MCC: variants seen among roughly 807,000 people sequenced by gnomAD.
The protein encoded by MCC is MCC regulator of Wnt signaling pathway.
A neutral mutation model predicts 116.2 loss-of-function variants in MCC; 90 were observed. The ratio of observed to expected loss-of-function variants is 0.77; its 90% CI spans 0.65 to 0.92. MCC has a LOEUF of 0.92. Ranked by LOEUF, MCC falls within the 40% of genes least tolerant of loss-of-function variation. MCC has a pLI of 0.00. For missense variants in MCC, 1,516 were observed against 1,312.2 expected (o/e 1.16, Z -2.40); for synonymous variants, 578 against 510.5 (o/e 1.13, Z -1.78).
At chr5:113,175,302 A>G (rs1761278185) in intron 3 of MCC, among the ~76,000 whole-genome samples, 1 of 152,254 alleles carries the variant, frequency 6.6e-6, no homozygotes, top group Non-Finnish European at 1.5e-5. Flanking sequence ...TGAGATGGTC[A>G]AACTTTGATG....
At chr5:113,315,846 C>T (rs1429322406) in intron 3 of MCC, among the ~76,000 whole-genome samples, 1 of 152,084 alleles carries the variant, frequency 6.6e-6, no homozygotes, top group Non-Finnish European at 1.5e-5. Context: ...CCACTGCGCT[C>T]CAGCCCGGGT....
At chr5:113,428,855 A>C (rs1336340316) in intron 1 of MCC, 1 of 152,204 alleles carries the variant, frequency 6.6e-6, no homozygotes, top group African/African-American at 2.4e-5. Flanking sequence ...AAAGACATTA[A>C]ATAAAATTTA....
rs567109531 is a variant in MCC at position 113,026,073 on chromosome 5, T to C, written c.*1229A>G. On this transcript the variant is annotated 3_prime_UTR_variant, in exon 19 of 19. Coordinates refer to ENST00000408903, the MANE Select transcript of MCC (RefSeq NM_001085377.2). ...AACTGAAAAAGAATAATGAATTTGT[T>C]TTAAGATTGAAGACCTTCCTGAAAT... 11 of 151,692 alleles carry C rather than the reference T, an allele frequency of 7.3e-5. No homozygotes were observed. The highest frequency in any genetic ancestry group is 2.7e-4 in the African/African-American group (11 of 41,490). The allele number at this position is 151,692 out of a possible 1,614,324, so 9.4% of individuals were successfully genotyped here.
At chr5:113,369,274 C>G (rs1768780371) in intron 2 of MCC, among the ~76,000 whole-genome samples, 1 of 151,738 alleles carries the variant, frequency 6.6e-6, no homozygotes, top group Non-Finnish European at 1.5e-5. Context: ...CAGTGACCAG[C>G]CTCATCCTGA....
intron 3 of MCC, among the ~76,000 whole-genome samples, chr5:113,316,646 C>T (rs1325477565): frequency 6.6e-6 from 1 of 152,108 alleles, no homozygotes; most frequent in East Asian, 1.9e-4. Flanking sequence ...TGAACATCTA[C>T]AGGGATATAA....
At chr5:113,441,502 G>T (rs1241583440) in intron 1 of MCC, among the ~76,000 whole-genome samples, 1 of 148,622 alleles carries the variant, frequency 6.7e-6, no homozygotes, top group African/African-American at 2.6e-5. Context: ...TTTTTGTTTT[G>T]TACAGCACTT....
At chr5:113,080,656 G>C (rs1754789773) in intron 11 of MCC, among the ~76,000 whole-genome samples, 1 of 152,058 alleles carries the variant, frequency 6.6e-6, no homozygotes, top group African/African-American at 2.4e-5. Context: ...CCTGTCGTGG[G>C]GTGGAGGGAG....
chr5:113,411,755 T>C (rs1300465257), intron 1 of MCC, among the ~76,000 whole-genome samples: 2 of 152,240 alleles, frequency 1.3e-5, no homozygotes, highest in Non-Finnish European at 2.9e-5. Flanking sequence ...TCTTTTGCTG[T>C]GCAGAAGCTC....
intron 2 of MCC, among the ~76,000 whole-genome samples, chr5:113,361,347 TTC>T (rs1188681448): frequency 6.6e-6 from 1 of 152,164 alleles, no homozygotes; most frequent in Non-Finnish European, 1.5e-5. Flanking sequence ...TTATATTCTT[TTC>T]TGTTTTGTTT....
chr5:113,251,470 A>G (rs759671515), intron 3 of MCC, among the ~76,000 whole-genome samples: 27 of 152,204 alleles, frequency 1.8e-4, no homozygotes, highest in Non-Finnish European at 3.1e-4. Context: ...CCAGGGTGAC[A>G]AACACGGGAC....
At position 113,056,712 on chromosome 5, in the gene MCC, C is replaced by T. The variant is rs538643306; in HGVS notation, c.2214-2753G>A. 2.6e-5 allele frequency among the ~76,000 whole-genome samples: 4 copies of T among 152,084 alleles called. No individual in the cohort carries two copies. The South Asian group carries it at 6.2e-4, about 24-fold the overall frequency. On this transcript the variant is annotated intron_variant, in intron 14 of 18. Transcript: ENST00000408903. ...TATGTAACAACCGTCCACATGTACC[C>T]CTGAACTTAAAATAAAAGTAAAAAA...
At chr5:113,083,731 T>C (rs914089383) in intron 10 of MCC, among the ~76,000 whole-genome samples, 4 of 152,152 alleles carry the variant, frequency 2.6e-5, no homozygotes, top group Non-Finnish European at 4.4e-5. Flanking sequence ...GCACATCCCC[T>C]TTCAAGATGG....
intron 11 of MCC, 30 bp from the exon 12 acceptor site, chr5:113,071,264 T>A (rs750669560): frequency 3.7e-6 from 6 of 1,606,892 alleles, no homozygotes; most frequent in South Asian, 2.2e-5. Context: ...AGATTCACAC[T>A]AGGGTTACAG....
intron 17 of MCC, among the ~76,000 whole-genome samples, chr5:113,033,696 T>G (rs1751119756): frequency 1.3e-5 from 2 of 152,210 alleles, no homozygotes; most frequent in Admixed American, 1.3e-4. Flanking sequence ...CCATTCCTTT[T>G]TTATGCCCAG....
chr5:113,229,834 G>A (rs1763877414), intron 3 of MCC, among the ~76,000 whole-genome samples: 1 of 152,206 alleles, frequency 6.6e-6, no homozygotes, highest in African/African-American at 2.4e-5. Flanking sequence ...AGGAGCAACA[G>A]GCTACACCAT....
chr5:113,043,427 G>T (rs977926816), intron 17 of MCC, 103 bp downstream of exon 17: 30 of 1,060,190 alleles, frequency 2.8e-5, no homozygotes, highest in Non-Finnish European at 4.1e-5. Flanking sequence ...GGGTAAAGTG[G>T]AACACATCAG....
intron 14 of MCC, among the ~76,000 whole-genome samples, chr5:113,059,604 T>C (rs370216397): frequency 2.6e-5 from 4 of 152,266 alleles, no homozygotes; most frequent in African/African-American, 9.6e-5. Flanking sequence ...TGAGAGCGAC[T>C]GTGGGGGAAG....
chr5:113,302,489 G>A (rs543557034), intron 3 of MCC, among the ~76,000 whole-genome samples: 43 of 152,214 alleles, frequency 2.8e-4, no homozygotes, highest in Non-Finnish European at 4.9e-4. Context: ...ATATTATACA[G>A]TATTCAGAAA....
chr5:113,210,820 G>C (rs1763107641), intron 3 of MCC, among the ~76,000 whole-genome samples: 2 of 152,208 alleles, frequency 1.3e-5, no homozygotes. Context: ...CAGGAGCTAA[G>C]ATCGACCCTA....
Sources: allele counts gnomAD v4.1 joint callset (sites outside exome capture counted in the v4.1 genomes callset), GRCh38; gene constraint gnomAD v4.1.1; transcripts MANE v1.5; gene names NCBI Gene and HGNC (gene_info 2026-07-23, HGNC 2026-07-21).